The following TUBGCP6 variants were observed in gnomAD, a reference collection of about 807,000 sequenced individuals.
The protein encoded by TUBGCP6 is tubulin gamma complex component 6.
A neutral mutation model predicts 175.8 loss-of-function variants in TUBGCP6; 161 were observed. That is an observed-to-expected ratio of 0.92 (90% CI 0.81 to 1.04). TUBGCP6 has a LOEUF of 1.04. TUBGCP6 is among the 50% of genes least tolerant of loss of function. The pLI is 0.00. For missense variants in TUBGCP6, 2,572 were observed against 2,433.0 expected (o/e 1.06, Z -1.20); for synonymous variants, 1,173 against 1,030.5 (o/e 1.14, Z -2.65).
chr22:50,218,071 T>C lies in TUBGCP6; in HGVS notation c.5215A>G (p.Ser1739Gly), dbSNP rs769925912. The C allele has an allele frequency of 1.9e-6, 3 of 1,613,320 alleles. No individual in the cohort carries two copies. Among genetic ancestry groups the C allele is most frequent in the Non-Finnish European group, 2.5e-6 (3 of 1,179,942 alleles). Residue 1739 changes from serine (S) to glycine (G), a missense_variant, in exon 24 of 25, where the codon AGC (serine) becomes GGC (glycine). Ser to Gly is a moderately conservative substitution (Grantham distance 56). Coordinates refer to ENST00000248846, the MANE Select transcript of TUBGCP6 (RefSeq NM_020461.4). ...KAAPVMNVIH[S>G]IFSLVLKFRS... Reference sequence around the variant, plus strand: ...AACTTGAGCACGAGGCTGAAGATGCTGTGGATGACGTTCATGACGGGCGCC... The same window carrying C: ...AACTTGAGCACGAGGCTGAAGATGCCGTGGATGACGTTCATGACGGGCGCC...
rs779334636 is a variant in TUBGCP6, at chr22:50,218,207, A to G, written c.5150T>C (p.Leu1717Pro). 6.2e-7 allele frequency: 1 copy of G among 1,612,240 alleles called. No homozygotes were observed. The highest frequency in any genetic ancestry group is 8.5e-7 in the Non-Finnish European group (1 of 1,179,842). ...EEIQRAHAEYLHKAVFRGLLT... is the reference protein window; with the variant it reads ...EEIQRAHAEYPHKAVFRGLLT... ...GCCTCACCTGAAGACGGCCTTGTGC[A>G]GGTACTCTGCGTGCGCACGCTGGAT... Residue 1717 changes from leucine (L) to proline (P), a missense_variant, in exon 23 of 25, where the codon CTG (leucine) becomes CCG (proline). Physicochemically the swap from Leu to Pro is moderately conservative, Grantham distance 98. Coordinates refer to ENST00000248846, the MANE Select transcript of TUBGCP6 (RefSeq NM_020461.4).
At chr22:50,220,182 GCCCGCCTACCT>G in intron 16 of TUBGCP6, 58 bp downstream of exon 16, 1 of 1,548,908 alleles carries the variant, frequency 6.5e-7, no homozygotes, top group Non-Finnish European at 8.8e-7. Context: ...CAACCCCACT[GCCCGCCTACCT>G]CCCAGGCTCT....
chr22:50,240,127 C>A (rs1383415609), intron 2 of TUBGCP6, 77 bp downstream of exon 2: 2 of 1,586,456 alleles, frequency 1.3e-6, no homozygotes, highest in Middle Eastern at 2.2e-4. Flanking sequence ...TACACAACGC[C>A]CCCCACACAC....
rs1304808266 is a variant in TUBGCP6 at position 50,244,338 on chromosome 22, G to A, written c.122C>T (p.Ala41Val). The A allele has an allele frequency of 5.6e-6, 9 of 1,613,554 alleles. No individual in the cohort carries two copies. The highest frequency in any genetic ancestry group is 7.6e-6 in the Non-Finnish European group (9 of 1,180,036). The change falls in exon 1 of 25, where the codon GCC becomes GTC. Residue 41 changes from alanine to valine, a missense_variant. By Grantham distance (64) the Ala-to-Val change is moderately conservative (BLOSUM62 0). Coordinates refer to ENST00000248846, the MANE Select transcript of TUBGCP6 (RefSeq NM_020461.4). ...AAGATTTGTGAAAAGAGCATTGTAG[G>A]CCACCTTCTTGAGGCTCCGCTTTGC... The part of the protein sequence containing the change: ...KRAKRSLKKV[A>V]YNALFTNLFQ...
chr22:50,225,072 C>T (rs1403811856), intron 10 of TUBGCP6, among the ~76,000 whole-genome samples: 24 of 148,872 alleles, frequency 1.6e-4, no homozygotes, highest in Non-Finnish European at 2.7e-4. Context: ...CACCCTCCCC[C>T]ACCCCCAGGC....
intron 16 of TUBGCP6, 51 bp downstream of exon 16, chr22:50,220,200 C>T: frequency 6.5e-7 from 1 of 1,548,682 alleles, no homozygotes; most frequent in Non-Finnish European, 8.8e-7. Context: ...ACCTCCCAGG[C>T]TCTGTGCGTC....
At position 50,221,782 on chromosome 22, in the gene TUBGCP6, G is replaced by A. The variant is rs111807461; in HGVS notation, c.2577C>T (p.Asn859=). ...GCTGTGGGGTCAGCAGGCCTGGCCT[G>A]TTCCAGCCATCCCAGGCAGGCGAGT... ...EQHSPAWDGW[N]RPGLLTPQPL... Residue 859 remains asparagine (N), a synonymous_variant, in exon 16 of 25, where the codon AAC becomes AAT. Transcript: ENST00000248846. The A allele has an allele frequency of 2.0e-5, 30 of 1,512,222 alleles. No individual in the cohort carries two copies. Among genetic ancestry groups the A allele is most frequent in the Non-Finnish European group, 2.7e-5 (30 of 1,130,442 alleles). 93.7% of individuals were successfully genotyped at this position (1,512,222 alleles called of 1,614,324 possible). A position where few individuals can be genotyped will look rare whatever the true frequency, so the allele number is the denominator to read the frequency against.
In TUBGCP6 at chr22:50,229,585, G is replaced by A; in HGVS notation, c.1117-8C>T. 1 of 1,579,996 alleles carries A rather than the reference G, an allele frequency of 6.3e-7. No individual in the cohort carries two copies. The highest frequency in any genetic ancestry group is 8.6e-7 in the Non-Finnish European group (1 of 1,163,810). On this transcript the variant is annotated splice_polypyrimidine_tract_variant and splice_region_variant and intron_variant, in intron 3 of 24. Transcript: ENST00000248846. Reference sequence around the variant, plus strand: ...CACAAAGGCCTGGGCCGGCTGCACAGGGGCAGAGGACACTGGTCACAGAGG... The same window carrying A: ...CACAAAGGCCTGGGCCGGCTGCACAAGGGCAGAGGACACTGGTCACAGAGG...
intron 3 of TUBGCP6, among the ~76,000 whole-genome samples, chr22:50,232,552 G>A (rs2064707571): frequency 6.6e-6 from 1 of 150,598 alleles, no homozygotes; most frequent in Non-Finnish European, 1.5e-5. Flanking sequence ...GAGAGACCCT[G>A]TCTCAAAAAA....
At chr22:50,219,568 A>G (rs570959025) in intron 18 of TUBGCP6, 76 bp downstream of exon 18, 1 of 1,591,632 alleles carries the variant, frequency 6.3e-7, no homozygotes, top group South Asian at 1.1e-5. Flanking sequence ...GCTCCGCCCC[A>G]ACCCACAGGA....
intron 7 of TUBGCP6, 24 bp from the exon 8 acceptor site, chr22:50,226,402 T>C (rs1601592424): frequency 6.3e-7 from 1 of 1,579,710 alleles, no homozygotes; most frequent in Admixed American, 1.9e-5. Flanking sequence ...AAAGCAGGGG[T>C]AGATGTGGTC....
At chr22:50,228,108 G>A (rs1021290867) in intron 4 of TUBGCP6, 80 bp from the exon 5 acceptor site, 31 of 1,426,538 alleles carry the variant, frequency 2.2e-5, no homozygotes, top group East Asian at 1.0e-4. Flanking sequence ...CACCAGTGCT[G>A]GGAACAGCGC....
At chr22:50,224,644 C>A in intron 10 of TUBGCP6, 52 bp from the exon 11 acceptor site, 1 of 1,587,244 alleles carries the variant, frequency 6.3e-7, no homozygotes, top group African/African-American at 1.3e-5. Flanking sequence ...CAGTGGCTCA[C>A]GCCTGTAATC....
In TUBGCP6 at chr22:50,231,265, T is replaced by C. The variant is rs533932542; in HGVS notation, c.1117-1688A>G. ...GGTCAGGAGTTTGAGACCAGCCTGG[T>C]CAACATGGTGAAACCCCATCTCTAC... On this transcript the variant is annotated intron_variant, in intron 3 of 24. Transcript: ENST00000248846. Among the ~76,000 whole-genome samples the C allele has an allele frequency of 3.3e-5, 5 of 150,752 alleles. No homozygotes were observed. In the East Asian group the frequency reaches 9.9e-4, roughly 30 times the overall value.
chr22:50,220,036 A>C lies in TUBGCP6; in HGVS notation c.4109-21T>G, dbSNP rs765319300. On this transcript the variant is annotated intron_variant, in intron 16 of 24. Coordinates refer to ENST00000248846, the MANE Select transcript of TUBGCP6 (RefSeq NM_020461.4). ...AGGGCCTGTGTGGACACAAGTGGAC[A>C]CGAGGGCATCAGGGCCGAGTGCCTG... The C allele has an allele frequency of 1.2e-5, 20 of 1,612,228 alleles. 1 individual carries two copies. In the Admixed American group the frequency reaches 2.2e-4, roughly 18 times the overall value.
intron 3 of TUBGCP6, among the ~76,000 whole-genome samples, chr22:50,230,042 G>C (rs1054818576): frequency 6.6e-6 from 1 of 152,130 alleles, no homozygotes; most frequent in Non-Finnish European, 1.5e-5. Context: ...AAACGAATGG[G>C]GTGTAGCAGA....
intron 2 of TUBGCP6, among the ~76,000 whole-genome samples, chr22:50,237,761 G>A (rs1277832101): frequency 6.6e-6 from 1 of 152,220 alleles, no homozygotes; most frequent in Non-Finnish European, 1.5e-5. Context: ...ACAGGGTGAT[G>A]AGGAGAGTGA....
At chr22:50,222,619 G>A (rs377126135) in intron 13 of TUBGCP6, 27 bp from the exon 14 acceptor site, 615 of 1,603,668 alleles carry the variant, frequency 3.8e-4, no homozygotes, top group Non-Finnish European at 4.8e-4. Flanking sequence ...GAGAGGACAC[G>A]GCCACAAGAG....
At chr22:50,235,917 G>A (rs533840391) in intron 2 of TUBGCP6, among the ~76,000 whole-genome samples, 1 of 147,232 alleles carries the variant, frequency 6.8e-6, no homozygotes, top group South Asian at 2.2e-4. Context: ...TCCAGCTTGA[G>A]CAACAGAGCA....
Sources: gnomAD v4.1 joint callset for allele counts (sites outside exome capture counted in the v4.1 genomes callset) on GRCh38, gnomAD v4.1.1 for gene constraint, MANE v1.5 for transcripts, NCBI Gene and HGNC (gene_info 2026-07-23, HGNC 2026-07-21) for gene names.